Variants in HS6ST3 observed in about 807,000 individuals in gnomAD.
HS6ST3 encodes heparan-sulfate 6-O-sulfotransferase 3.
Under a neutral mutation model 36.7 loss-of-function variants are expected in HS6ST3, and 12 were observed. The ratio of observed to expected loss-of-function variants is 0.33; its 90% CI spans 0.21 to 0.53. The LOEUF is 0.53. HS6ST3 is among the 20% of genes least tolerant of loss of function. HS6ST3 has a pLI of 0.95. For synonymous variants in HS6ST3, 240 were observed against 257.5 expected, an observed-to-expected ratio of 0.93 and a Z score of 0.65; for missense variants, 584 against 640.9, an observed-to-expected ratio of 0.91 and a Z score of 0.96.
At chr13:96,337,875 A>G (rs2055109797) in intron 1 of HS6ST3, among the ~76,000 whole-genome samples, 1 of 150,992 alleles carries the variant, frequency 6.6e-6, no homozygotes, top group South Asian at 2.1e-4. Flanking sequence ...CCCAGTTTCT[A>G]GAAGATTTCC....
chr13:96,426,259 A>G (rs906137417), intron 1 of HS6ST3, among the ~76,000 whole-genome samples: 1 of 152,162 alleles, frequency 6.6e-6, no homozygotes. Context: ...TATTGTTCGC[A>G]CTGCCTCTAT....
At chr13:96,762,193 A>G (rs1367520006) in intron 1 of HS6ST3, among the ~76,000 whole-genome samples, 1 of 152,120 alleles carries the variant, frequency 6.6e-6, no homozygotes, top group African/African-American at 2.4e-5. Flanking sequence ...TGCTATAAAT[A>G]TTGGCTGCGC....
At chr13:96,797,287 A>G (rs978421242) in intron 1 of HS6ST3, among the ~76,000 whole-genome samples, 2 of 152,124 alleles carry the variant, frequency 1.3e-5, no homozygotes, top group Non-Finnish European at 2.9e-5. Context: ...TACAGGCACC[A>G]TCTGATGGCC....
At chr13:96,702,793 G>A (rs1311516216) in intron 1 of HS6ST3, among the ~76,000 whole-genome samples, 1 of 152,210 alleles carries the variant, frequency 6.6e-6, no homozygotes, top group Non-Finnish European at 1.5e-5. Context: ...TAGTATGTAA[G>A]TTCACAAGGC....
At chr13:96,537,508 C>A (rs1594802258) in intron 1 of HS6ST3, among the ~76,000 whole-genome samples, 4 of 152,304 alleles carry the variant, frequency 2.6e-5, no homozygotes, top group Middle Eastern at 3.4e-3. Flanking sequence ...GCATTGATTT[C>A]TCTGTGCTGC....
intron 1 of HS6ST3, among the ~76,000 whole-genome samples, chr13:96,185,857 C>A (rs1283105891): frequency 6.6e-6 from 1 of 152,090 alleles, no homozygotes; most frequent in Non-Finnish European, 1.5e-5. Context: ...AATGGGAGAC[C>A]ATTTACCATA....
intron 1 of HS6ST3, among the ~76,000 whole-genome samples, chr13:96,807,596 A>G (rs1878226792): frequency 6.6e-6 from 1 of 152,220 alleles, no homozygotes; most frequent in African/African-American, 2.4e-5. Flanking sequence ...GAAACAAACA[A>G]CTAAGGAAAG....
At chr13:96,622,144 G>T (rs1413083515) in intron 1 of HS6ST3, among the ~76,000 whole-genome samples, 6 of 151,680 alleles carry the variant, frequency 4.0e-5, no homozygotes, top group Non-Finnish European at 8.8e-5. Flanking sequence ...AATTGTGGCT[G>T]ATTTCTATGT....
intron 1 of HS6ST3, among the ~76,000 whole-genome samples, chr13:96,401,268 G>A (rs1281957674): frequency 1.3e-5 from 2 of 151,966 alleles, no homozygotes; most frequent in Non-Finnish European, 2.9e-5. Flanking sequence ...ACTCATAGGG[G>A]ACATTTGAAA....
chr13:96,693,988 T>C (rs1875050876), intron 1 of HS6ST3, among the ~76,000 whole-genome samples: 1 of 152,162 alleles, frequency 6.6e-6, no homozygotes, highest in African/African-American at 2.4e-5. Flanking sequence ...GGAAGTTATA[T>C]CTTAGTTTCC....
intron 1 of HS6ST3, among the ~76,000 whole-genome samples, chr13:96,126,009 C>T (rs914317866): frequency 2.6e-5 from 4 of 151,792 alleles, no homozygotes; most frequent in South Asian, 2.1e-4. Context: ...TTACAAGTAA[C>T]GGCAGGTGGT....
chr13:96,665,097 G>A lies in HS6ST3; in HGVS notation c.708-167393G>A, dbSNP rs376626144. Among the ~76,000 whole-genome samples, 7 of 152,106 alleles carry A rather than the reference G, an allele frequency of 4.6e-5. No individual in the cohort carries two copies. The East Asian group carries it at 7.7e-4, about 17-fold the overall frequency. ...TGAGCTGGGAGGATGGCTTGAGCCC[G>A]GGAGGTCAAGGCTGCAGTGAGCTGT... On this transcript the variant is annotated intron_variant, in intron 1 of 1. Transcript: ENST00000376705.
intron 1 of HS6ST3, among the ~76,000 whole-genome samples, chr13:96,132,867 C>T (rs1168016725): frequency 6.6e-6 from 1 of 152,014 alleles, no homozygotes; most frequent in East Asian, 1.9e-4. Context: ...ATTTCCCTGA[C>T]GATTAGTAAT....
intron 1 of HS6ST3, among the ~76,000 whole-genome samples, chr13:96,203,986 A>G (rs1219451441): frequency 6.6e-6 from 1 of 152,200 alleles, no homozygotes; most frequent in East Asian, 1.9e-4. Context: ...GAAGCAAGCT[A>G]GCTATTCATC....
At chr13:96,802,587 C>T (rs778913488) in intron 1 of HS6ST3, among the ~76,000 whole-genome samples, 2 of 152,128 alleles carry the variant, frequency 1.3e-5, no homozygotes, top group Non-Finnish European at 2.9e-5. Flanking sequence ...CTGTGTAAAG[C>T]GTCCAATTCT....
chr13:96,304,185 A>G lies in HS6ST3; in HGVS notation c.707+212616A>G, dbSNP rs146899971. On this transcript the variant is annotated intron_variant, in intron 1 of 1. Transcript: ENST00000376705. ...GATTTTTACCTTTCAAATATTTTCAATTTTGGCATATGTTTTCTACTCATG... is the reference window on the plus strand; with the variant it reads ...GATTTTTACCTTTCAAATATTTTCAGTTTTGGCATATGTTTTCTACTCATG... Among the ~76,000 whole-genome samples, 117 of 151,484 alleles carry G rather than the reference A, an allele frequency of 7.7e-4. 2 individuals carry two copies. Among genetic ancestry groups the G allele is most frequent in the African/African-American group, 2.6e-3 (109 of 41,290 alleles).
At chr13:96,585,170 T>G (rs1447812933) in intron 1 of HS6ST3, among the ~76,000 whole-genome samples, 2 of 152,194 alleles carry the variant, frequency 1.3e-5, no homozygotes, top group African/African-American at 4.8e-5. Context: ...TCAATATAAT[T>G]GCTATTAATA....
chr13:96,728,535 C>T (rs1360946473), intron 1 of HS6ST3, among the ~76,000 whole-genome samples: 1 of 152,186 alleles, frequency 6.6e-6, no homozygotes, highest in Non-Finnish European at 1.5e-5. Flanking sequence ...TACCCACTCA[C>T]TGTTTGAGTA....
At chr13:96,235,712 C>G (rs182913528) in intron 1 of HS6ST3, among the ~76,000 whole-genome samples, 1 of 152,214 alleles carries the variant, frequency 6.6e-6, no homozygotes, top group African/African-American at 2.4e-5. Context: ...TAGTTGTCAT[C>G]TACTGATCTC....
Sources: allele counts gnomAD v4.1 joint callset (sites outside exome capture counted in the v4.1 genomes callset), GRCh38; gene constraint gnomAD v4.1.1; transcripts MANE v1.5; gene names NCBI Gene and HGNC (gene_info 2026-07-23, HGNC 2026-07-21).